Variants in CACNA2D1 observed in about 807,000 individuals in gnomAD.
CACNA2D1 encodes the protein voltage-dependent calcium channel subunit alpha-2/delta-1.
CACNA2D1 carries 53 observed loss-of-function variants against 171.5 expected under a neutral mutation model. That is an observed-to-expected ratio of 0.31 (90% confidence interval 0.25 to 0.39). The LOEUF (loss-of-function observed/expected upper bound fraction) is 0.39, where lower values mean the gene tolerates loss of function less well. Among genes scored for constraint, CACNA2D1 ranks in the 10% least tolerant of loss-of-function variants. The pLI is 1.00. For missense variants in CACNA2D1, 903 were observed against 1,299.8 expected (o/e 0.69, Z 4.69); for synonymous variants, 442 against 443.1 (o/e 1.00, Z 0.03).
At chr7:82,199,665 T>C (rs1363322053) in intron 3 of CACNA2D1, among the ~76,000 whole-genome samples, 1 of 152,094 alleles carries the variant, frequency 6.6e-6, no homozygotes. Flanking sequence ...TGGCAGTTTC[T>C]TATGAAGTTA....
chr7:82,134,732 G>A (rs1010549958), intron 5 of CACNA2D1, among the ~76,000 whole-genome samples: 2 of 152,180 alleles, frequency 1.3e-5, no homozygotes, highest in South Asian at 4.1e-4. Flanking sequence ...AGTTTAATAA[G>A]TTCACTTACA....
intron 26 of CACNA2D1, among the ~76,000 whole-genome samples, chr7:81,971,336 A>C (rs759713657): frequency 2.0e-5 from 3 of 151,674 alleles, no homozygotes; most frequent in Non-Finnish European, 4.4e-5. Flanking sequence ...TAGGGCCTTC[A>C]TTATGAGGTA....
chr7:82,372,968 G>A (rs1156763705), intron 1 of CACNA2D1, among the ~76,000 whole-genome samples: 1 of 152,032 alleles, frequency 6.6e-6, no homozygotes, highest in African/African-American at 2.4e-5. Context: ...GCGGATCACT[G>A]GACGTCAGGA....
At chr7:81,998,168 T>C (rs1405725450) in intron 18 of CACNA2D1, among the ~76,000 whole-genome samples, 2 of 151,966 alleles carry the variant, frequency 1.3e-5, no homozygotes, top group Non-Finnish European at 2.9e-5. Context: ...ATGTAACATG[T>C]CATACTAAAA....
At chr7:81,975,835 C>A (rs888329357) in intron 24 of CACNA2D1, among the ~76,000 whole-genome samples, 6 of 151,666 alleles carry the variant, frequency 4.0e-5, no homozygotes, top group Admixed American at 3.3e-4. Context: ...TTCTAATTTT[C>A]GTTGGAAAGC....
chr7:82,331,821 A>T (rs1817332861), intron 3 of CACNA2D1, among the ~76,000 whole-genome samples: 2 of 152,202 alleles, frequency 1.3e-5, no homozygotes, highest in Non-Finnish European at 2.9e-5. Flanking sequence ...CTACATCCAG[A>T]AGAAAAATGT....
At chr7:82,187,564 A>C (rs1797894699) in intron 3 of CACNA2D1, among the ~76,000 whole-genome samples, 1 of 152,196 alleles carries the variant, frequency 6.6e-6, no homozygotes, top group Non-Finnish European at 1.5e-5. Flanking sequence ...GCCAAAAAAA[A>C]AGATATTAAT....
At chr7:82,385,652 TTTG>T (rs929606720) in intron 1 of CACNA2D1, among the ~76,000 whole-genome samples, 1 of 121,710 alleles carries the variant, frequency 8.2e-6, no homozygotes, top group Non-Finnish European at 1.8e-5. Flanking sequence ...TTTTGGTTGT[TTTG>T]TTTTGTTTTG....
At chr7:82,136,809 T>G in intron 4 of CACNA2D1, 133 bp from the exon 5 acceptor site, 1 of 672,538 alleles carries the variant, frequency 1.5e-6, no homozygotes, top group Non-Finnish European at 2.5e-6. Context: ...CAATGATCCA[T>G]AAGGATTAGC....
chr7:82,421,885 G>A (rs190248640), intron 1 of CACNA2D1, among the ~76,000 whole-genome samples: 2 of 152,084 alleles, frequency 1.3e-5, no homozygotes, highest in East Asian at 1.9e-4. Context: ...CAACAATTCT[G>A]GTCTCCAAAA....
At chr7:82,306,206 T>C (rs1190747423) in intron 3 of CACNA2D1, among the ~76,000 whole-genome samples, 2 of 152,168 alleles carry the variant, frequency 1.3e-5, no homozygotes, top group Non-Finnish European at 2.9e-5. Context: ...ATGGAATCAC[T>C]ATTTTTTGGT....
At chr7:82,219,888 ATTTGAG>A (rs1563217778) in intron 3 of CACNA2D1, among the ~76,000 whole-genome samples, 1 of 152,152 alleles carries the variant, frequency 6.6e-6, no homozygotes, top group Non-Finnish European at 1.5e-5. Context: ...CATGAAAAAT[ATTTGAG>A]AGTTAGAAAA....
At chr7:82,386,602 G>A (rs539042096) in intron 1 of CACNA2D1, among the ~76,000 whole-genome samples, 16 of 151,912 alleles carry the variant, frequency 1.1e-4, no homozygotes, top group Admixed American at 2.6e-4. Context: ...GCGTGATGGC[G>A]CATGCCTGCA....
At chr7:82,339,415 C>G (rs148024529) in intron 2 of CACNA2D1, among the ~76,000 whole-genome samples, 139 of 152,274 alleles carry the variant, frequency 9.1e-4, no homozygotes, top group African/African-American at 2.9e-3. Flanking sequence ...CTGCCATATC[C>G]ACAGCCATCT....
At chr7:81,965,089 A>C (rs10447881) in intron 32 of CACNA2D1, among the ~76,000 whole-genome samples, 60,685 of 151,414 alleles carry the variant, frequency 0.4, 12,333 homozygotes, top group East Asian at 0.52. Context: ...TGTCATCCAG[A>C]AAAAAAACAA....
At chr7:82,145,160 C>T (rs1441439667) in intron 4 of CACNA2D1, among the ~76,000 whole-genome samples, 2 of 149,532 alleles carry the variant, frequency 1.3e-5, no homozygotes, top group African/African-American at 4.9e-5. Context: ...ATACTTATAC[C>T]TCCTGTGTAC....
rs117860910 is a variant in CACNA2D1, at chr7:82,390,635, G to A, written c.96-40986C>T. 7.3e-3 allele frequency among the ~76,000 whole-genome samples: 1,107 copies of A among 152,216 alleles called. 6 individuals are homozygous for A. The highest frequency in any genetic ancestry group is 0.013 in the Non-Finnish European group (857 of 67,998). Reference sequence around the variant, plus strand: ...GGAGCCATTACTGTGGATGTGTATGGTTCCAGAGATCCTAGGAAGCCCAGC... The same window carrying A: ...GGAGCCATTACTGTGGATGTGTATGATTCCAGAGATCCTAGGAAGCCCAGC... On this transcript the variant is annotated intron_variant, in intron 1 of 38. Transcript: ENST00000356860.
At chr7:82,363,636 G>A (rs923709938) in intron 1 of CACNA2D1, among the ~76,000 whole-genome samples, 4 of 152,154 alleles carry the variant, frequency 2.6e-5, no homozygotes, top group Non-Finnish European at 5.9e-5. Context: ...AAAGGGCAAG[G>A]TGAGACTTTT....
At chr7:82,160,363 GAAAT>G (rs770798989) in intron 4 of CACNA2D1, among the ~76,000 whole-genome samples, 115 of 151,798 alleles carry the variant, frequency 7.6e-4, no homozygotes, top group Non-Finnish European at 1.4e-3. Context: ...AATTAAAAAA[GAAAT>G]AAAGTAATGA....
Sources: allele counts gnomAD v4.1 joint callset (sites outside exome capture counted in the v4.1 genomes callset), GRCh38; gene constraint gnomAD v4.1.1; transcripts MANE v1.5; gene names NCBI Gene and HGNC (gene_info 2026-07-23, HGNC 2026-07-21).